ANK3: variants seen among roughly 807,000 people sequenced by gnomAD.
ANK3 encodes the protein ankyrin-3.
Under a neutral mutation model 370.9 loss-of-function variants are expected in ANK3, and 57 were observed. That is an observed-to-expected ratio of 0.15 (90% CI 0.12 to 0.19). The LOEUF (loss-of-function observed/expected upper bound fraction) is 0.19, where lower values mean the gene tolerates loss of function less well. Ranked by LOEUF, ANK3 falls within the 10% of genes least tolerant of loss-of-function variation. The pLI, the probability that ANK3 is intolerant of heterozygous loss-of-function variation, is 1.00. For synonymous variants in ANK3, 1,929 were observed against 1,946.3 expected, an observed-to-expected ratio of 0.99 and a Z score of 0.23; for missense variants, 4,439 against 5,302.1, an observed-to-expected ratio of 0.84 and a Z score of 5.06.
chr10:60,532,204 C>T (rs946233035), intron 2 of ANK3, among the ~76,000 whole-genome samples: 1 of 152,076 alleles, frequency 6.6e-6, no homozygotes, highest in Non-Finnish European at 1.5e-5. Context: ...CTAAAGAGAC[C>T]CAGTTGCATA....
At chr10:60,299,485 T>C (rs1325239146) in intron 1 of ANK3, among the ~76,000 whole-genome samples, 3 of 152,196 alleles carry the variant, frequency 2.0e-5, no homozygotes, top group Non-Finnish European at 4.4e-5. Flanking sequence ...TTAAACACAA[T>C]ATTCAGGAAT....
chr10:60,704,697 T>C (rs2079590443), intron 1 of ANK3, among the ~76,000 whole-genome samples: 1 of 152,170 alleles, frequency 6.6e-6, no homozygotes, highest in Non-Finnish European at 1.5e-5. Context: ...TCCAGATGCA[T>C]CAGACTGTTA....
At chr10:60,432,304 A>T (rs1196485723) in intron 2 of ANK3, among the ~76,000 whole-genome samples, 1 of 152,148 alleles carries the variant, frequency 6.6e-6, no homozygotes, top group East Asian at 1.9e-4. Context: ...GAAGGTATCA[A>T]GAGTTTGGTG....
intron 6 of ANK3, 139 bp from the exon 7 acceptor site, chr10:60,262,096 A>G (rs1446974117): frequency 1.5e-6 from 1 of 669,806 alleles, no homozygotes; most frequent in African/African-American, 1.8e-5. Context: ...CTAGGTTTCG[A>G]TCAGTGCCAA....
At chr10:60,197,033 T>A (rs988769805) in intron 14 of ANK3, among the ~76,000 whole-genome samples, 1 of 152,064 alleles carries the variant, frequency 6.6e-6, no homozygotes, top group African/African-American at 2.4e-5. Context: ...CCAGACTCAG[T>A]TTGGAGGGCT....
chr10:60,225,765 T>C (rs2097129799), intron 8 of ANK3, among the ~76,000 whole-genome samples: 1 of 152,044 alleles, frequency 6.6e-6, no homozygotes, highest in Non-Finnish European at 1.5e-5. Context: ...CACACCCTTA[T>C]GTTATTTGTA....
chr10:60,281,975 T>C (rs11815139), intron 1 of ANK3, among the ~76,000 whole-genome samples: 23,707 of 152,222 alleles, frequency 0.16, 1,974 homozygotes, highest in African/African-American at 0.19. Flanking sequence ...AAAAACAGAA[T>C]GCAGTTTTTA....
intron 42 of ANK3, among the ~76,000 whole-genome samples, chr10:60,045,889 T>C (rs2076872658): frequency 6.6e-6 from 1 of 150,584 alleles, no homozygotes; most frequent in Non-Finnish European, 1.5e-5. Context: ...TAGAACACTA[T>C]TGTTTTGCTA....
chr10:60,081,324 A>T (rs1564867247), intron 35 of ANK3, among the ~76,000 whole-genome samples: 1 of 152,050 alleles, frequency 6.6e-6, no homozygotes, highest in Non-Finnish European at 1.5e-5. Flanking sequence ...ACCTCAGGTG[A>T]TTCCCCCACC....
At chr10:60,138,419 C>G (rs1590679225) in intron 24 of ANK3, 2 of 339,060 alleles carry the variant, frequency 5.9e-6, no homozygotes, top group East Asian at 8.7e-5. Flanking sequence ...TGGTAAATCA[C>G]TGTTATACTT....
chr10:60,270,019 C>T (rs965355946), intron 5 of ANK3, 112 bp downstream of exon 5: 1 of 563,160 alleles, frequency 1.8e-6, no homozygotes, highest in Non-Finnish European at 3.0e-6. Context: ...TGAACCCACA[C>T]ATTAATATAA....
chr10:60,248,314 C>G (rs1245770576), intron 7 of ANK3, among the ~76,000 whole-genome samples: 4 of 152,180 alleles, frequency 2.6e-5, no homozygotes, highest in African/African-American at 9.7e-5. Flanking sequence ...GTTCCCATAT[C>G]TTCACATCCT....
chr10:60,070,402 C>G lies in ANK3; in HGVS notation c.10479G>C (p.Lys3493Asn), dbSNP rs1043668493. The G allele has an allele frequency of 6.2e-7, 1 of 1,614,082 alleles. No individual in the cohort carries two copies. The highest frequency in any genetic ancestry group is 1.7e-5 in the Admixed American group (1 of 60,008). The change falls in exon 37 of 44, where the codon AAG becomes AAC. Residue 3493 changes from lysine (K) to asparagine (N), a missense_variant. By Grantham distance (94) the Lys-to-Asn change is moderately conservative (BLOSUM62 0). Transcript: ENST00000280772. The surrounding 1 kb of genome is among the most constrained non-coding windows in gnomAD (Gnocchi z 5.7). ...ACTGGGCCCCTGACTTCTGATCAGT[C>G]TTATCAGGAGTCTTTTCAGATGAAG... ...KSSSSEKTPD[K>N]TDQKSGAQFF...
intron 7 of ANK3, among the ~76,000 whole-genome samples, chr10:60,246,274 A>G (rs1366149435): frequency 2.0e-5 from 3 of 148,622 alleles, no homozygotes; most frequent in South Asian, 2.2e-4. Flanking sequence ...AAAAAAAAAA[A>G]AAAAAAAGAA....
In ANK3 at chr10:60,055,388, A is replaced by G. The variant is rs116377553; in HGVS notation, c.13065+270T>C. Among the ~76,000 whole-genome samples, 864 of 152,312 alleles carry G rather than the reference A, an allele frequency of 5.7e-3. 8 individuals carry two copies. The highest frequency in any genetic ancestry group is 0.02 in the African/African-American group (836 of 41,564). ...CGTCTCTCTGGTTCTTGTCCCTCCTAAAAATGGCTAAACAGATACTTATTC... is the reference window on the plus strand; with the variant it reads ...CGTCTCTCTGGTTCTTGTCCCTCCTGAAAATGGCTAAACAGATACTTATTC... On this transcript the variant is annotated intron_variant, in intron 42 of 43. Transcript: ENST00000280772.
In ANK3 at chr10:60,155,632, T is replaced by C. The variant is rs576050354; in HGVS notation, c.2614+10959A>G. On this transcript the variant is annotated intron_variant, in intron 23 of 43. Coordinates refer to ENST00000280772, the MANE Select transcript of ANK3 (RefSeq NM_020987.5). ...GTTCCTGGGTGTGTCTGTGAGGGTG[T>C]TGCCAAAGGAGATTAACATTTGAGT... Among the ~76,000 whole-genome samples, 372 of 152,270 alleles carry C rather than the reference T, an allele frequency of 2.4e-3. 4 individuals are homozygous for C. Among genetic ancestry groups the C allele is most frequent in the African/African-American group, 8.5e-3 (353 of 41,554 alleles).
At position 60,074,410 on chromosome 10, in the gene ANK3, G is replaced by T; in HGVS notation, c.6471C>A (p.Pro2157=). 6.2e-7 allele frequency: 1 copy of T among 1,614,060 alleles called. No individual in the cohort carries two copies. The highest frequency in any genetic ancestry group is 1.1e-5 in the South Asian group (1 of 91,056). ...TTGTTTCTGTAATGACAGGAGGGAT[G>T]GGAACTTCATGAAAAAGTGGTTTAG... The part of the protein sequence containing the change: ...TGPKPLFHEV[P]IPPVITETRT... Residue 2157 remains proline (P), a synonymous_variant, in exon 37 of 44, where the codon CCC becomes CCA. Coordinates refer to ENST00000280772, the MANE Select transcript of ANK3 (RefSeq NM_020987.5).
chr10:60,333,031 T>A (rs1225425696), intron 1 of ANK3, among the ~76,000 whole-genome samples: 1 of 152,310 alleles, frequency 6.6e-6, no homozygotes, highest in African/African-American at 2.4e-5. Context: ...TATAAAAACA[T>A]ACAATTTTAT....
intron 41 of ANK3, among the ~76,000 whole-genome samples, chr10:60,057,343 G>A (rs16914652): frequency 2.1e-3 from 322 of 152,100 alleles, no homozygotes; most frequent in African/African-American, 7.4e-3. Context: ...TGTAGCTTGC[G>A]TATTATTTTG....
Sources: gnomAD v4.1 joint callset for allele counts (sites outside exome capture counted in the v4.1 genomes callset) on GRCh38, gnomAD v4.1.1 for gene constraint, Gnocchi (gnomAD v3.1) non-coding constraint, MANE v1.5 for transcripts, NCBI Gene and HGNC (gene_info 2026-07-23, HGNC 2026-07-21) for gene names.